SIGIRR: variants seen among roughly 807,000 people sequenced by gnomAD.
SIGIRR encodes single Ig IL-1-related receptor.
SIGIRR carries 41 observed loss-of-function variants against 45.6 expected under a neutral mutation model. That is an observed-to-expected ratio of 0.90 (90% CI 0.70 to 1.17). The LOEUF is 1.17. SIGIRR is among the 50% of genes most tolerant of loss of function. SIGIRR has a pLI of 0.00. For synonymous variants in SIGIRR, 298 were observed against 239.0 expected (o/e 1.25, Z -2.28); for missense variants, 599 against 539.6 (o/e 1.11, Z -1.09).
At chr11:409,452 C>A in intron 2 of SIGIRR, 1 of 266,188 alleles carries the variant, frequency 3.8e-6, no homozygotes, top group South Asian at 6.8e-5. Flanking sequence ...TGCTCCTGGC[C>A]ACAGGCAAGC....
chr11:410,622 G>T (rs1396766972), intron 1 of SIGIRR, among the ~76,000 whole-genome samples: 3 of 52,422 alleles, frequency 5.7e-5, no homozygotes, highest in Non-Finnish European at 1.2e-4. Flanking sequence ...ATGCAGTCGG[G>T]GGGGGGGGGT....
In SIGIRR at chr11:407,100, G is replaced by T. The variant is rs1590370575; in HGVS notation, c.690C>A (p.Asp230Glu). The T allele has an allele frequency of 6.5e-7, 1 of 1,530,686 alleles. No individual in the cohort carries two copies. The highest frequency in any genetic ancestry group is 8.7e-7 in the Non-Finnish European group (1 of 1,143,324). The allele number at this position is 1,530,686 out of a possible 1,614,324, so 94.8% of individuals were successfully genotyped here. The part of the protein sequence containing the change: ...RCRRLIVVLS[D>E]AFLSRAWCSH... ...TGCACCAGGCCCGGCTCAGGAAGGC[G>T]TCCGAAAGCACCACGATGAGGCGTC... Residue 230 changes from aspartate (D) to glutamate (E), a missense_variant, in exon 7 of 10, where the codon GAC becomes GAA. Physicochemically the swap from Asp to Glu is conservative, Grantham distance 45. Transcript: ENST00000431843.
chr11:405,884 C>G lies in SIGIRR; in HGVS notation c.*12G>C. 2 of 1,584,896 alleles carry G rather than the reference C, an allele frequency of 1.3e-6. No homozygotes were observed. The highest frequency in any genetic ancestry group is 1.7e-6 in the Non-Finnish European group (2 of 1,161,722). On this transcript the variant is annotated 3_prime_UTR_variant, in exon 10 of 10. Coordinates refer to ENST00000431843, the MANE Select transcript of SIGIRR (RefSeq NM_001135054.2). ...CCCGCTGTCCCTATGATCCTGCACT[C>G]TGGGGTGGGAGCTACATATCATCCT...
In SIGIRR at chr11:405,895, G is replaced by A; in HGVS notation, c.*1C>T. 3 of 1,592,516 alleles carry A rather than the reference G, an allele frequency of 1.9e-6. No homozygotes were observed. The highest frequency in any genetic ancestry group is 2.2e-5 in the South Asian group (2 of 89,070). ...TATGATCCTGCACTCTGGGGTGGGA[G>A]CTACATATCATCCTTGGACACCAGG... On this transcript the variant is annotated 3_prime_UTR_variant, in exon 10 of 10. Coordinates refer to ENST00000431843, the MANE Select transcript of SIGIRR (RefSeq NM_001135054.2).
Position 414,919 on chromosome 11 carries a change from A to G in SIGIRR, c.-250T>C, listed in dbSNP as rs1847839307. On this transcript the variant is annotated 5_prime_UTR_variant, in exon 1 of 10. Coordinates refer to ENST00000431843, the MANE Select transcript of SIGIRR (RefSeq NM_001135054.2). ...TCGCTGGGCCCCAGGGAGTGTCCAC[A>G]GCACCAAGGCTGCTATGGATGCATC... is the stretch of plus-strand genomic sequence containing the variant. The G allele has an allele frequency of 2.0e-6, 2 of 980,098 alleles. No homozygotes were observed. The highest frequency in any genetic ancestry group is 3.5e-5 in the African/African-American group (2 of 57,112). 60.7% of individuals were successfully genotyped at this position (980,098 alleles called of 1,614,324 possible).
intron 5 of SIGIRR, 49 bp downstream of exon 5, chr11:407,768 C>T (rs1170798452): frequency 1.2e-6 from 2 of 1,609,310 alleles, no homozygotes; most frequent in South Asian, 2.2e-5. Flanking sequence ...AGCGCACTCT[C>T]AGGGAGGCCG....
At chr11:407,627 T>C in intron 5 of SIGIRR, 59 bp from the exon 6 acceptor site, 1 of 1,581,726 alleles carries the variant, frequency 6.3e-7, no homozygotes, top group Non-Finnish European at 8.6e-7. Context: ...GCCCTCGGGG[T>C]CCCCAACACC....
At position 408,247 on chromosome 11, in the gene SIGIRR, C is replaced by T. The variant is rs770396010; in HGVS notation, c.207-41G>A. ...CAGGGTCAGGGTCGACTGGGGATAC[C>T]AGTGGACACCCCCGAACCCCACCTG... On this transcript the variant is annotated intron_variant, in intron 3 of 9. Transcript: ENST00000431843. 3.7e-6 allele frequency: 6 copies of T among 1,605,746 alleles called. No homozygotes were observed. The Admixed American group carries it at 1.0e-4, about 27-fold the overall frequency.
chr11:411,041 A>C (rs1386498020), intron 1 of SIGIRR, among the ~76,000 whole-genome samples: 1 of 6,804 alleles, frequency 1.5e-4, no homozygotes, highest in Non-Finnish European at 2.4e-4. Flanking sequence ...GGGGGTGCCC[A>C]GCTCTGACCA....
intron 2 of SIGIRR, chr11:409,240 C>A (rs1847485288): frequency 6.6e-6 from 3 of 456,696 alleles, no homozygotes; most frequent in South Asian, 5.3e-5. Flanking sequence ...CTGGTGACAC[C>A]ATGATGCCTG....
chr11:407,972 C>A lies in SIGIRR; in HGVS notation c.341-15G>T. The A allele has an allele frequency of 6.2e-7, 1 of 1,601,954 alleles. No individual in the cohort carries two copies. ...GCTTGTAGGGCCTGCGGATGGGTTG[C>A]CTGAGCCGCTGCCCCTCCAGCAGCC... On this transcript the variant is annotated splice_polypyrimidine_tract_variant and intron_variant, in intron 4 of 9. Coordinates refer to ENST00000431843, the MANE Select transcript of SIGIRR (RefSeq NM_001135054.2).
chr11:413,613 G>C (rs954011828), intron 1 of SIGIRR, among the ~76,000 whole-genome samples: 8 of 151,900 alleles, frequency 5.3e-5, no homozygotes, highest in Middle Eastern at 6.8e-3. Context: ...CAAGAAAGCA[G>C]GTGCCCTCCC....
Position 406,472 on chromosome 11 carries a change from C to A in SIGIRR, c.946G>T (p.Val316Leu). Residue 316 changes from valine (V) to leucine (L), a missense_variant, in exon 9 of 10, where the codon GTG becomes TTG. Coordinates refer to ENST00000431843, the MANE Select transcript of SIGIRR (RefSeq NM_001135054.2). ...ALPRKVQYRP[V>L]EGDPQTQLQD... ...AGCTGCGTCTGGGGGTCTCCTTCCACAGGCCTGTACTGCACCTTCCGCGGC... is the reference window on the plus strand; with the variant it reads ...AGCTGCGTCTGGGGGTCTCCTTCCAAAGGCCTGTACTGCACCTTCCGCGGC... 6.2e-7 allele frequency: 1 copy of A among 1,612,646 alleles called. No individual in the cohort carries two copies. Among genetic ancestry groups the A allele is most frequent in the Non-Finnish European group, 8.5e-7 (1 of 1,179,840 alleles).
chr11:407,305 G>T (rs1244269295), intron 6 of SIGIRR, 120 bp downstream of exon 6: 1 of 821,456 alleles, frequency 1.2e-6, no homozygotes, highest in Non-Finnish European at 1.8e-6. Flanking sequence ...CGGGGCCTCG[G>T]GTGGGCGGGG....
chr11:405,976 C>G lies in SIGIRR; in HGVS notation c.1153G>C (p.Val385Leu), dbSNP rs1847273032. Reference sequence around the variant, plus strand: ...CGCGAGCCGAGATCCGAGACGTCCACTTCGCTGCTCCGGCTCTCTCCCAGC... The same window carrying G: ...CGCGAGCCGAGATCCGAGACGTCCAGTTCGCTGCTCCGGCTCTCTCCCAGC... ...VSLGESRSSE[V>L]DVSDLGSRNY... Residue 385 changes from valine (V) to leucine (L), a missense_variant, in exon 10 of 10, where the codon GTG becomes CTG. By Grantham distance (32) the Val-to-Leu change is conservative. Transcript: ENST00000431843. The G allele has an allele frequency of 5.0e-6, 8 of 1,612,336 alleles. No individual in the cohort carries two copies. In the South Asian group the frequency reaches 8.8e-5, roughly 18 times the overall value.
At chr11:407,794 G>T (rs764590975) in intron 5 of SIGIRR, 23 bp downstream of exon 5, 2 of 1,611,738 alleles carry the variant, frequency 1.2e-6, no homozygotes, top group South Asian at 1.1e-5. Flanking sequence ...ACCCCTCCTC[G>T]CGCCCACGCG....
At chr11:407,645 A>C in intron 5 of SIGIRR, 77 bp from the exon 6 acceptor site, 4 of 1,565,622 alleles carry the variant, frequency 2.6e-6, no homozygotes, top group Admixed American at 1.8e-5. Flanking sequence ...ACCCCTAACC[A>C]TCTCCCACGT....
upstream of SIGIRR, among the ~76,000 whole-genome samples, chr11:416,325 T>C (rs1428801419): frequency 6.6e-6 from 1 of 151,968 alleles, no homozygotes; most frequent in Non-Finnish European, 1.5e-5. This position sits in a 1 kb window ranked among gnomAD's most constrained non-coding sequence, Gnocchi z 9.1. Context: ...CAGGGCTGGC[T>C]TGGCACCCTC....
At chr11:407,193 G>T in intron 6 of SIGIRR, 29 bp from the exon 7 acceptor site, 1 of 995,996 alleles carries the variant, frequency 1.0e-6, no homozygotes, top group Non-Finnish European at 1.4e-6. Context: ...CGGCGGCGCA[G>T]GGGCGGGGGC....
Sources: gnomAD v4.1 joint callset for allele counts (sites outside exome capture counted in the v4.1 genomes callset) on GRCh38, gnomAD v4.1.1 for gene constraint, Gnocchi (gnomAD v3.1) non-coding constraint, MANE v1.5 for transcripts, NCBI Gene and HGNC (gene_info 2026-07-23, HGNC 2026-07-21) for gene names.